The following IRAK2 variants were observed in gnomAD, a reference collection of about 807,000 sequenced individuals.
IRAK2 encodes the protein interleukin-1 receptor-associated kinase-like 2.
IRAK2 carries 57 observed loss-of-function variants against 72.0 expected under a neutral mutation model. The ratio of observed to expected loss-of-function variants is 0.79; its 90% CI spans 0.64 to 0.99. The LOEUF (loss-of-function observed/expected upper bound fraction) is 0.99, where lower values mean the gene tolerates loss of function less well. Ranked by LOEUF, IRAK2 falls within the 50% of genes least tolerant of loss-of-function variation. IRAK2 has a pLI of 0.00. For missense variants in IRAK2, 790 were observed against 794.4 expected, an observed-to-expected ratio of 0.99 and a Z score of 0.07; for synonymous variants, 293 against 312.7, an observed-to-expected ratio of 0.94 and a Z score of 0.67.
chr3:10,237,927 C>CGTG (rs1553626770), intron 11 of IRAK2, among the ~76,000 whole-genome samples: 1 of 89,862 alleles, frequency 1.1e-5, no homozygotes, highest in Non-Finnish European at 2.4e-5. Flanking sequence ...TGTATGTGTG[C>CGTG]TCTGTGTGTG....
In IRAK2 at chr3:10,214,182, G is replaced by T. The variant is rs887122773; in HGVS notation, c.788+634G>T. Among the ~76,000 whole-genome samples the T allele has an allele frequency of 2.0e-5, 3 of 151,904 alleles. No individual in the cohort carries two copies. The East Asian group carries it at 5.8e-4, about 29-fold the overall frequency. ...GACCTCAAGTGATCTTTCTGCTTTG[G>T]CTTCCTAAAGTGCTGGGATTACAGG... On this transcript the variant is annotated intron_variant, in intron 6 of 12. Coordinates refer to ENST00000256458, the MANE Select transcript of IRAK2 (RefSeq NM_001570.4).
At chr3:10,242,003 ATGCTC>A in intron 12 of IRAK2, 108 bp from the exon 13 acceptor site, 2 of 530,702 alleles carry the variant, frequency 3.8e-6, no homozygotes, top group Non-Finnish European at 3.3e-6. Flanking sequence ...AAAAAAAGAA[ATGCTC>A]ATTACACTCA....
intron 2 of IRAK2, among the ~76,000 whole-genome samples, chr3:10,197,435 C>G (rs540216319): frequency 6.6e-6 from 1 of 151,660 alleles, no homozygotes; most frequent in East Asian, 1.9e-4. Flanking sequence ...TCTCATCCTA[C>G]TCTTCTTATC....
chr3:10,187,294 T>C (rs550760635), intron 2 of IRAK2, among the ~76,000 whole-genome samples: 5 of 152,278 alleles, frequency 3.3e-5, no homozygotes, highest in Non-Finnish European at 5.9e-5. Context: ...CACTTTCACT[T>C]CCCATCTTCT....
intron 10 of IRAK2, among the ~76,000 whole-genome samples, chr3:10,227,234 G>A (rs1697793397): frequency 6.6e-6 from 1 of 152,016 alleles, no homozygotes; most frequent in Non-Finnish European, 1.5e-5. Context: ...GATCACTTGA[G>A]GCTGGGAGTT....
At chr3:10,188,863 T>C (rs1386854599) in intron 2 of IRAK2, among the ~76,000 whole-genome samples, 1 of 152,226 alleles carries the variant, frequency 6.6e-6, no homozygotes, top group Non-Finnish European at 1.5e-5. Context: ...GGTTTTGCCG[T>C]GTTGGCCAGG....
Position 10,171,964 on chromosome 3 carries a change from G to A in IRAK2, c.95-5874G>A, listed in dbSNP as rs561512714. ...CATTTTCAGTAGAGATGGGCTGGGC[G>A]TAGTGGCTCACGGCTGTAATCTCAG... On this transcript the variant is annotated intron_variant, in intron 1 of 12. Coordinates refer to ENST00000256458, the MANE Select transcript of IRAK2 (RefSeq NM_001570.4). Among the ~76,000 whole-genome samples the A allele has an allele frequency of 3.3e-5, 5 of 152,016 alleles. No homozygotes were observed. In the South Asian group the frequency reaches 8.3e-4, roughly 25 times the overall value.
intron 2 of IRAK2, among the ~76,000 whole-genome samples, chr3:10,197,432 C>T (rs575604039): frequency 6.6e-6 from 1 of 151,616 alleles, no homozygotes; most frequent in Non-Finnish European, 1.5e-5. Context: ...GACTCTCATC[C>T]TACTCTTCTT....
intron 2 of IRAK2, among the ~76,000 whole-genome samples, chr3:10,187,853 AACCTAG>A (rs1697102817): frequency 6.6e-6 from 1 of 152,030 alleles, no homozygotes; most frequent in Non-Finnish European, 1.5e-5. Context: ...CATGATGGAG[AACCTAG>A]GGGGTCAGAG....
intron 10 of IRAK2, among the ~76,000 whole-genome samples, chr3:10,229,344 G>C (rs952787044): frequency 6.6e-6 from 1 of 152,160 alleles, no homozygotes; most frequent in African/African-American, 2.4e-5. Context: ...CGAATGCCTG[G>C]GCTCAAGCGA....
chr3:10,203,630 T>C (rs548808041), intron 3 of IRAK2, among the ~76,000 whole-genome samples: 1 of 152,108 alleles, frequency 6.6e-6, no homozygotes, highest in African/African-American at 2.4e-5. Context: ...GAGGAAAATA[T>C]GTTTGTTTGT....
intron 10 of IRAK2, 31 bp from the exon 11 acceptor site, chr3:10,234,428 C>A (rs11465926): frequency 1.9e-6 from 3 of 1,597,172 alleles, no homozygotes; most frequent in Admixed American, 1.7e-5. Flanking sequence ...CTGCAGCTCA[C>A]GCAAGGGCGT....
At chr3:10,236,249 G>A (rs918483638) in intron 11 of IRAK2, among the ~76,000 whole-genome samples, 1 of 151,870 alleles carries the variant, frequency 6.6e-6, no homozygotes, top group Non-Finnish European at 1.5e-5. Context: ...AACACATGGG[G>A]CACAGTGGCT....
At chr3:10,178,055 A>G in intron 2 of IRAK2, 35 bp downstream of exon 2, 1 of 1,515,310 alleles carries the variant, frequency 6.6e-7, no homozygotes, top group African/African-American at 1.4e-5. Context: ...AGTGGGGCCC[A>G]TCACGCTCCT....
Position 10,184,895 on chromosome 3 carries a change from A to AT in IRAK2, c.277+6882dup, listed in dbSNP as rs543844265. Reference sequence around the variant, plus strand: ...CAGGCGCCCGCCACCATGCCCGGCTATTTTTTTATTTTTTTTTATTTTTAG... The same window carrying AT: ...CAGGCGCCCGCCACCATGCCCGGCTATTTTTTTTATTTTTTTTTATTTTTAG... On this transcript the variant is annotated intron_variant, in intron 2 of 12. Coordinates refer to ENST00000256458, the MANE Select transcript of IRAK2 (RefSeq NM_001570.4). Among the ~76,000 whole-genome samples, 169 of 131,670 alleles carry AT rather than the reference A, an allele frequency of 1.3e-3. 11 individuals carry two copies. In the Middle Eastern group the frequency reaches 0.014, roughly 11 times the overall value. The allele number at this position is 131,670 out of a possible 152,430, so 86.4% of individuals were successfully genotyped here.
chr3:10,221,046 C>T (rs1697679202), intron 8 of IRAK2, among the ~76,000 whole-genome samples: 1 of 151,854 alleles, frequency 6.6e-6, no homozygotes, highest in African/African-American at 2.4e-5. Context: ...TTAACCACTC[C>T]TGGCACACAC....
chr3:10,198,131 G>A (rs1195849884), intron 2 of IRAK2, among the ~76,000 whole-genome samples: 3 of 152,232 alleles, frequency 2.0e-5, no homozygotes, highest in Admixed American at 6.5e-5. Context: ...CCCGAGAATC[G>A]GAGCTTGCAG....
intron 12 of IRAK2, 33 bp downstream of exon 12, chr3:10,239,072 C>A: frequency 6.6e-7 from 1 of 1,519,638 alleles, no homozygotes; most frequent in South Asian, 1.2e-5. Context: ...TTTGGATGCT[C>A]ATGTGTGTGT....
chr3:10,215,144 T>C (rs1368494032), intron 6 of IRAK2, among the ~76,000 whole-genome samples: 1 of 151,844 alleles, frequency 6.6e-6, no homozygotes, highest in Non-Finnish European at 1.5e-5. Flanking sequence ...GCCAGCACTT[T>C]GGGAGGCCGA....
Sources: gnomAD v4.1 joint callset for allele counts (sites outside exome capture counted in the v4.1 genomes callset) on GRCh38, gnomAD v4.1.1 for gene constraint, MANE v1.5 for transcripts, NCBI Gene and HGNC (gene_info 2026-07-23, HGNC 2026-07-21) for gene names.